Variants in GLS observed in about 807,000 individuals in gnomAD.
The protein encoded by GLS is glutaminase, also known as glutaminase kidney isoform, mitochondrial.
In GLS, 36 loss-of-function variants were observed where a neutral mutation model predicts 86.7. The observed-to-expected ratio is 0.42, with a 90% CI of 0.32 to 0.55. The LOEUF (loss-of-function observed/expected upper bound fraction) is 0.55. Ranked by LOEUF, GLS falls within the 20% of genes least tolerant of loss-of-function variation. The pLI, the probability that GLS is intolerant of heterozygous loss-of-function variation, is 0.17. For synonymous variants in GLS, 317 were observed against 305.9 expected (o/e 1.04, Z -0.38); for missense variants, 528 against 833.4 (o/e 0.63, Z 4.51).
chr2:190,881,648 TC>T, intron 1 of GLS, 178 bp downstream of exon 1: 1 of 565,244 alleles, frequency 1.8e-6, no homozygotes, highest in Non-Finnish European at 2.9e-6. Flanking sequence ...GCCCGCGCCT[TC>T]CCCGCCCGCA....
In GLS at chr2:190,880,911, A is replaced by AGCAGCAGCAGCAGCACCC. The variant is rs1688123384; in HGVS notation, c.-165_-164insGCAGCACCCGCAGCAGCA. 3.5e-6 allele frequency: 3 copies of AGCAGCAGCAGCAGCACCC among 856,642 alleles called. No individual in the cohort carries two copies. Among genetic ancestry groups the AGCAGCAGCAGCAGCACCC allele is most frequent in the Non-Finnish European group, 5.3e-6 (3 of 563,302 alleles). 53.1% of individuals were successfully genotyped at this position (856,642 alleles called of 1,614,324 possible). ...CAGCAGCAGCAGCAGCAGCAGCAGC[A>AGCAGCAGCAGCAGCACCC]GCAGCAGCACCCGCATCCGCTGCGG... On this transcript the variant is annotated 5_prime_UTR_variant, in exon 1 of 18. Transcript: ENST00000320717.
chr2:190,895,412 A>G lies in GLS; in HGVS notation c.483+164A>G, dbSNP rs1226066198. The stretch of plus-strand genomic sequence containing the variant: ...TTTTTGTCATGCTCATTTCAAGGTA[A>G]TCAGTGAAAGAAAAAGAAAGAAACA... On this transcript the variant is annotated intron_variant, in intron 2 of 17. Transcript: ENST00000320717. The surrounding 1 kb of genome is among the most constrained non-coding windows in gnomAD (Gnocchi z 4.2). 3 of 548,736 alleles carry G rather than the reference A, an allele frequency of 5.5e-6. No homozygotes were observed. Among genetic ancestry groups the G allele is most frequent in the East Asian group, 5.9e-5 (2 of 34,056 alleles). 34.0% of individuals were successfully genotyped at this position (548,736 alleles called of 1,614,324 possible).
Position 190,947,904 on chromosome 2 carries a change from C to T in GLS, c.1651-5661C>T, listed in dbSNP as rs1047408209. On this transcript the variant is annotated intron_variant, in intron 14 of 17. Coordinates refer to ENST00000320717, the MANE Select transcript of GLS (RefSeq NM_014905.5). This position sits in a 1 kb window ranked among gnomAD's most constrained non-coding sequence, Gnocchi z 5.0. ...GTGTGTCAGCTTAGTTGGAAATACT[C>T]GTGGCGCTCTTTAACAGACCAGGAA... Among the ~76,000 whole-genome samples, 1 of 152,150 alleles carries T rather than the reference C, an allele frequency of 6.6e-6. No individual in the cohort carries two copies. Among genetic ancestry groups the T allele is most frequent in the Non-Finnish European group, 1.5e-5 (1 of 68,036 alleles).
intron 1 of GLS, among the ~76,000 whole-genome samples, chr2:190,893,597 T>G (rs190226935): frequency 1.3e-5 from 2 of 152,326 alleles, no homozygotes; most frequent in Admixed American, 1.3e-4. Context: ...CAAATGTATT[T>G]TTTTTGGAGA....
intron 9 of GLS, among the ~76,000 whole-genome samples, chr2:190,923,363 A>C (rs557594707): frequency 6.6e-6 from 1 of 152,154 alleles, no homozygotes; most frequent in Non-Finnish European, 1.5e-5. Flanking sequence ...GTTACATCAG[A>C]ATATTTGCCA....
Position 190,895,512 on chromosome 2 carries a change from T to A in GLS, c.484-92T>A. ...TTCATGTTCAAGTGTTGGGTAGAAGTTTTTATATACAGGAATAAAATCTTA... is the reference window on the plus strand; with the variant it reads ...TTCATGTTCAAGTGTTGGGTAGAAGATTTTATATACAGGAATAAAATCTTA... On this transcript the variant is annotated intron_variant, in intron 2 of 17. Coordinates refer to ENST00000320717, the MANE Select transcript of GLS (RefSeq NM_014905.5). The surrounding 1 kb of genome is among the most constrained non-coding windows in gnomAD (Gnocchi z 4.2). 2.2e-6 allele frequency: 2 copies of A among 898,500 alleles called. No individual in the cohort carries two copies. Among genetic ancestry groups the A allele is most frequent in the Non-Finnish European group, 3.3e-6 (2 of 599,074 alleles). The allele number at this position is 898,500 out of a possible 1,614,324, so 55.7% of individuals were successfully genotyped here.
rs1272844048 is a variant in GLS, at chr2:190,949,686, T to C, written c.1651-3879T>C. On this transcript the variant is annotated intron_variant, in intron 14 of 17. Transcript: ENST00000320717. This position sits in a 1 kb window ranked among gnomAD's most constrained non-coding sequence, Gnocchi z 4.0. ...CAGCCTGGGTGACAGAGCGAGACCT[T>C]GTCTCAAAAAAAATAAAATGCAGGG... Among the ~76,000 whole-genome samples the C allele has an allele frequency of 3.3e-5, 5 of 152,020 alleles. No individual in the cohort carries two copies. The highest frequency in any genetic ancestry group is 4.4e-5 in the Non-Finnish European group (3 of 67,980).
chr2:190,959,645 GT>G (rs1690952894), intron 17 of GLS, among the ~76,000 whole-genome samples: 1 of 152,138 alleles, frequency 6.6e-6, no homozygotes, highest in South Asian at 2.1e-4. Flanking sequence ...AACACTGAAT[GT>G]TCTCTCTTAG....
chr2:190,911,775 G>GA (rs1689369784), intron 7 of GLS, among the ~76,000 whole-genome samples: 1 of 151,974 alleles, frequency 6.6e-6, no homozygotes, highest in Non-Finnish European at 1.5e-5. Flanking sequence ...TTTCTTCCCA[G>GA]AAAAATATCC....
rs1286541712 is a variant in GLS at position 190,951,588 on chromosome 2, G to A, written c.1651-1977G>A. 6.6e-6 allele frequency among the ~76,000 whole-genome samples: 1 copy of A among 152,152 alleles called. No individual in the cohort carries two copies. The highest frequency in any genetic ancestry group is 1.5e-5 in the Non-Finnish European group (1 of 68,022). On this transcript the variant is annotated intron_variant, in intron 14 of 17. Coordinates refer to ENST00000320717, the MANE Select transcript of GLS (RefSeq NM_014905.5). This position sits in a 1 kb window ranked among gnomAD's most constrained non-coding sequence, Gnocchi z 4.2. The stretch of plus-strand genomic sequence containing the variant: ...CAAAAATGAGGAAGCTTTTTACTTT[G>A]AGCGATGAAAACAGTTTTTATCTTT...
rs1027694111 is a variant in GLS, at chr2:190,962,314, A to G, written c.1854-516A>G. Among the ~76,000 whole-genome samples, 1 of 152,294 alleles carries G rather than the reference A, an allele frequency of 6.6e-6. No individual in the cohort carries two copies. Among genetic ancestry groups the G allele is most frequent in the African/African-American group, 2.4e-5 (1 of 41,564 alleles). ...TAAAAATGTCAATTCCTTTGGGGCC[A>G]ATCTTGCTCCTCCAGTGTGTTTTAG... is the stretch of plus-strand genomic sequence containing the variant. On this transcript the variant is annotated intron_variant, in intron 17 of 17. Transcript: ENST00000320717. The surrounding 1 kb of genome is among the most constrained non-coding windows in gnomAD (Gnocchi z 4.2).
Position 190,913,312 on chromosome 2 carries a change from A to G in GLS, c.1038+2991A>G. ...GAGCCTGTTGCATAAATTCTTAACT[A>G]CTAAGCTTATAGGAAAACTCCAATA... On this transcript the variant is annotated intron_variant, in intron 7 of 17. Coordinates refer to ENST00000320717, the MANE Select transcript of GLS (RefSeq NM_014905.5). The surrounding 1 kb of genome is among the most constrained non-coding windows in gnomAD (Gnocchi z 6.1). The G allele has an allele frequency of 1.6e-6, 2 of 1,255,162 alleles. No individual in the cohort carries two copies. Among genetic ancestry groups the G allele is most frequent in the Middle Eastern group, 2.2e-4 (1 of 4,448 alleles). The allele number at this position is 1,255,162 out of a possible 1,614,324, so 77.8% of individuals were successfully genotyped here.
chr2:190,896,880 T>C (rs1688761188), intron 3 of GLS, among the ~76,000 whole-genome samples: 1 of 152,226 alleles, frequency 6.6e-6, no homozygotes, highest in South Asian at 2.1e-4. Flanking sequence ...TTCGTGTTCA[T>C]GAACTGTCTG....
At chr2:190,917,436 T>G (rs1157551743) in intron 7 of GLS, among the ~76,000 whole-genome samples, 3 of 152,228 alleles carry the variant, frequency 2.0e-5, no homozygotes, top group African/African-American at 7.2e-5. Context: ...GACCCCTCAG[T>G]CATCCATGAG....
intron 12 of GLS, among the ~76,000 whole-genome samples, chr2:190,928,565 C>T (rs1046077086): frequency 2.0e-5 from 3 of 151,714 alleles, no homozygotes; most frequent in African/African-American, 7.3e-5. Flanking sequence ...GAACTCCTGA[C>T]CTCAAATAAT....
At chr2:190,932,109 C>G (rs1690124410) in intron 14 of GLS, among the ~76,000 whole-genome samples, 1 of 151,920 alleles carries the variant, frequency 6.6e-6, no homozygotes, top group South Asian at 2.1e-4. Flanking sequence ...TAGTGAGAGA[C>G]CGTATGAAGC....
In GLS at chr2:190,897,722, CTT is replaced by C. The variant is rs1341179641; in HGVS notation, c.605+1998_605+1999del. On this transcript the variant is annotated intron_variant, in intron 3 of 17. Coordinates refer to ENST00000320717, the MANE Select transcript of GLS (RefSeq NM_014905.5). The surrounding 1 kb of genome is among the most constrained non-coding windows in gnomAD (Gnocchi z 4.3). The stretch of plus-strand genomic sequence containing the variant: ...CCTAGTTAGTGTTGCCAGAAATAAA[CTT>C]CTCCCTTTCATGCAGCTAGGGAGGA... Among the ~76,000 whole-genome samples the C allele has an allele frequency of 6.6e-6, 1 of 152,198 alleles. No individual in the cohort carries two copies. The highest frequency in any genetic ancestry group is 2.4e-5 in the African/African-American group (1 of 41,438).
At chr2:190,904,769 A>G (rs998029755) in intron 5 of GLS, among the ~76,000 whole-genome samples, 1 of 152,146 alleles carries the variant, frequency 6.6e-6, no homozygotes, top group Non-Finnish European at 1.5e-5. Flanking sequence ...CATTGTATAT[A>G]AGGGACTTGA....
intron 14 of GLS, among the ~76,000 whole-genome samples, chr2:190,948,740 A>G (rs964287249): frequency 2.0e-5 from 3 of 152,234 alleles, no homozygotes; most frequent in Non-Finnish European, 4.4e-5. Context: ...TAGTGCAGCA[A>G]AGGTAGACGG....
Sources: gnomAD v4.1 joint callset for allele counts (sites outside exome capture counted in the v4.1 genomes callset) on GRCh38, gnomAD v4.1.1 for gene constraint, Gnocchi (gnomAD v3.1) non-coding constraint, MANE v1.5 for transcripts, NCBI Gene and HGNC (gene_info 2026-07-23, HGNC 2026-07-21) for gene names.